DIAPH3: variants seen among roughly 807,000 people sequenced by gnomAD.
DIAPH3 encodes the protein diaphanous related formin 3, also known as protein diaphanous homolog 3.
DIAPH3 carries 117 observed loss-of-function variants against 144.3 expected under a neutral mutation model. The observed-to-expected ratio is 0.81, with a 90% CI of 0.70 to 0.95. The LOEUF is 0.95. Among genes scored for constraint, DIAPH3 ranks in the 40% least tolerant of loss-of-function variants. The pLI is 0.00. For synonymous variants in DIAPH3, 519 were observed against 488.9 expected, an observed-to-expected ratio of 1.06 and a Z score of -0.81; for missense variants, 1,421 against 1,412.7, an observed-to-expected ratio of 1.01 and a Z score of -0.09.
At chr13:59,670,427 T>G (rs976576352) in intron 27 of DIAPH3, among the ~76,000 whole-genome samples, 2 of 152,190 alleles carry the variant, frequency 1.3e-5, no homozygotes, top group African/African-American at 4.8e-5. Flanking sequence ...ACCTTCTTTT[T>G]GGTTTGTCTC....
intron 21 of DIAPH3, among the ~76,000 whole-genome samples, chr13:59,874,901 A>ATGTAT: frequency 6.6e-6 from 1 of 152,300 alleles, no homozygotes; most frequent in Non-Finnish European, 1.5e-5. Flanking sequence ...ATCTTATTAG[A>ATGTAT]CATTAGTAAA....
chr13:59,995,693 A>G (rs2052143806), intron 9 of DIAPH3, among the ~76,000 whole-genome samples: 1 of 151,992 alleles, frequency 6.6e-6, no homozygotes, highest in South Asian at 2.1e-4. Context: ...AACAGAAATG[A>G]CCACGGGAGA....
At chr13:59,810,408 G>A (rs148820232) in intron 25 of DIAPH3, among the ~76,000 whole-genome samples, 38 of 151,944 alleles carry the variant, frequency 2.5e-4, no homozygotes, top group Middle Eastern at 3.4e-3. Context: ...CCCTCCCTTG[G>A]GATATTTTGT....
chr13:60,090,659 T>C (rs2057899947), intron 4 of DIAPH3, among the ~76,000 whole-genome samples: 1 of 152,184 alleles, frequency 6.6e-6, no homozygotes. Context: ...TCAATAGTCA[T>C]TAATGTAAAT....
At position 60,071,686 on chromosome 13, in the gene DIAPH3, G is replaced by A. The variant is rs149803674; in HGVS notation, c.495+21942C>T. Among the ~76,000 whole-genome samples, 759 of 152,200 alleles carry A rather than the reference G, an allele frequency of 5.0e-3. 9 individuals are homozygous for A. Among genetic ancestry groups the A allele is most frequent in the Non-Finnish European group, 8.2e-3 (556 of 68,004 alleles). On this transcript the variant is annotated intron_variant, in intron 4 of 27. Coordinates refer to ENST00000400324, the MANE Select transcript of DIAPH3 (RefSeq NM_001042517.2). ...TTTGCCCCTTACTTCACTGAGAATA[G>A]TGAAGCTACATAGTATGAACTGGTT...
At chr13:59,991,979 A>G in intron 11 of DIAPH3, 89 bp downstream of exon 11, 2 of 1,013,198 alleles carry the variant, frequency 2.0e-6, no homozygotes, top group Non-Finnish European at 3.1e-6. Context: ...TTGTTTATAT[A>G]GAAATGAGCT....
At chr13:59,986,761 A>G (rs1031600720) in intron 12 of DIAPH3, among the ~76,000 whole-genome samples, 1 of 150,068 alleles carries the variant, frequency 6.7e-6, no homozygotes, top group Non-Finnish European at 1.5e-5. Flanking sequence ...AATGCAAATC[A>G]AAACCACTAT....
intron 11 of DIAPH3, among the ~76,000 whole-genome samples, 177 bp downstream of exon 11, chr13:59,991,891 C>T (rs1825015667): frequency 6.6e-6 from 1 of 152,008 alleles, no homozygotes; most frequent in Admixed American, 6.6e-5. Flanking sequence ...CATACGCTTA[C>T]ATATATGTGT....
rs185271161 is a variant in DIAPH3 at position 59,983,233 on chromosome 13, G to A, written c.1480+536C>T. Among the ~76,000 whole-genome samples the A allele has an allele frequency of 8.7e-3, 1,299 of 149,488 alleles. 8 individuals are homozygous for A. The highest frequency in any genetic ancestry group is 0.022 in the Middle Eastern group (6 of 278). ...AAAAAAAAAAAAAAAGGCTTCGGGG[G>A]GGACAGGCAATTCTGCTTGCAACTC... is the stretch of plus-strand genomic sequence containing the variant. On this transcript the variant is annotated intron_variant, in intron 13 of 27. Coordinates refer to ENST00000400324, the MANE Select transcript of DIAPH3 (RefSeq NM_001042517.2).
At chr13:59,975,175 A>G (rs2050603321) in intron 14 of DIAPH3, among the ~76,000 whole-genome samples, 1 of 151,928 alleles carries the variant, frequency 6.6e-6, no homozygotes, top group Non-Finnish European at 1.5e-5. Context: ...TTTGCTCACA[A>G]ACACAAGCAT....
At chr13:60,103,431 A>T (rs1277342131) in intron 3 of DIAPH3, among the ~76,000 whole-genome samples, 1 of 152,226 alleles carries the variant, frequency 6.6e-6, no homozygotes, top group Non-Finnish European at 1.5e-5. Flanking sequence ...AAGTGAATAT[A>T]TACAAGCAGC....
intron 4 of DIAPH3, among the ~76,000 whole-genome samples, chr13:60,047,463 A>T (rs150464034): frequency 6.6e-6 from 1 of 152,326 alleles, no homozygotes; most frequent in Admixed American, 6.5e-5. Flanking sequence ...AATCTATAGT[A>T]ATCAAATTAG....
intron 25 of DIAPH3, among the ~76,000 whole-genome samples, chr13:59,802,706 G>A (rs1357129864): frequency 1.3e-5 from 1 of 78,108 alleles, no homozygotes; most frequent in Non-Finnish European, 2.2e-5. Context: ...ACAGAGTCTC[G>A]CTCTGTCGCC....
chr13:60,105,762 G>A (rs770728970), intron 3 of DIAPH3, among the ~76,000 whole-genome samples: 4 of 152,108 alleles, frequency 2.6e-5, no homozygotes, highest in Non-Finnish European at 5.9e-5. Context: ...AAATGTTCAC[G>A]ATATAGGAAA....
intron 5 of DIAPH3, among the ~76,000 whole-genome samples, chr13:60,024,984 T>C (rs2054280070): frequency 6.6e-6 from 1 of 152,132 alleles, no homozygotes; most frequent in South Asian, 2.1e-4. Context: ...CTGACTCTAT[T>C]GGCTTCTTTG....
intron 14 of DIAPH3, 84 bp downstream of exon 14, chr13:59,980,711 G>A (rs1035692224): frequency 2.3e-5 from 28 of 1,232,192 alleles, no homozygotes; most frequent in African/African-American, 1.5e-4. Context: ...AAGAAAGAAC[G>A]AATAACAAGC....
rs574810247 is a variant in DIAPH3, at chr13:59,946,350, T to C, written c.2075-21480A>G. Among the ~76,000 whole-genome samples the C allele has an allele frequency of 2.0e-5, 3 of 152,244 alleles. No homozygotes were observed. In the South Asian group the frequency reaches 6.2e-4, roughly 32 times the overall value. On this transcript the variant is annotated intron_variant, in intron 17 of 27. Coordinates refer to ENST00000400324, the MANE Select transcript of DIAPH3 (RefSeq NM_001042517.2). The stretch of plus-strand genomic sequence containing the variant: ...AGCACAGAATCCAGTTTGGATACAA[T>C]GCACCAAGTTCAAGATTATTAATGA...
intron 27 of DIAPH3, among the ~76,000 whole-genome samples, chr13:59,685,064 T>C (rs1344276113): frequency 1.3e-5 from 2 of 152,100 alleles, no homozygotes; most frequent in East Asian, 1.9e-4. Context: ...ACACTTAATA[T>C]GAAGTTTGAG....
At chr13:59,820,035 T>G (rs57055917) in intron 24 of DIAPH3, among the ~76,000 whole-genome samples, 5 of 121,448 alleles carry the variant, frequency 4.1e-5, no homozygotes, top group African/African-American at 1.5e-4. Flanking sequence ...TTAACAAGTA[T>G]TATTATTTCT....
Sources: allele counts gnomAD v4.1 joint callset (sites outside exome capture counted in the v4.1 genomes callset), GRCh38; gene constraint gnomAD v4.1.1; transcripts MANE v1.5; gene names NCBI Gene and HGNC (gene_info 2026-07-23, HGNC 2026-07-21).